EIF3H: variants seen among roughly 807,000 people sequenced by gnomAD.
The protein encoded by EIF3H is eIF-3-gamma.
A neutral mutation model predicts 44.2 loss-of-function variants in EIF3H; 26 were observed. The ratio of observed to expected loss-of-function variants is 0.59; its 90% CI spans 0.43 to 0.82. The LOEUF (loss-of-function observed/expected upper bound fraction) is 0.82. Among genes scored for constraint, EIF3H ranks in the 40% least tolerant of loss-of-function variants. The probability of loss-of-function intolerance (pLI) is 0.00; values close to 1 mark genes in which losing one functional copy is unlikely to be tolerated. For missense variants in EIF3H, 359 were observed against 432.8 expected (o/e 0.83, Z 1.51); for synonymous variants, 166 against 151.9 (o/e 1.09, Z -0.68).
chr8:116,648,608 A>G (rs1813342028), intron 6 of EIF3H, among the ~76,000 whole-genome samples, 198 bp downstream of exon 6: 1 of 152,244 alleles, frequency 6.6e-6, no homozygotes, highest in Non-Finnish European at 1.5e-5. Flanking sequence ...AGCTCTCTTT[A>G]ACACAGGTAT....
chr8:116,752,791 GGGAGGGAAGGAAGGAA>G lies in EIF3H; in HGVS notation c.132+2859_132+2874del, dbSNP rs1260226275. On this transcript the variant is annotated intron_variant, in intron 1 of 7. Coordinates refer to ENST00000521861, the MANE Select transcript of EIF3H (RefSeq NM_003756.3). ...AGGGAGGGAGGGAGGGAGGGAGGGAGGGAGGGAAGGAAGGAAGGAAGGAAGGAAGGAAGGAAGGAAA... is the reference window on the plus strand; with the variant it reads ...AGGGAGGGAGGGAGGGAGGGAGGGAGGGAAGGAAGGAAGGAAGGAAGGAAA... Among the ~76,000 whole-genome samples, 94 of 71,530 alleles carry G rather than the reference GGGAGGGAAGGAAGGAA, an allele frequency of 1.3e-3. 1 individual carries two copies. The highest frequency in any genetic ancestry group is 6.4e-3 in the African/African-American group (87 of 13,648). The allele number at this position is 71,530 out of a possible 152,430, so 46.9% of individuals were successfully genotyped here. A position where few individuals can be genotyped will look rare whatever the true frequency, so the allele number is the denominator to read the frequency against.
At chr8:116,648,443 T>G (rs1225270262) in intron 6 of EIF3H, among the ~76,000 whole-genome samples, 3 of 152,202 alleles carry the variant, frequency 2.0e-5, no homozygotes, top group African/African-American at 7.2e-5. Flanking sequence ...TTAAATGAAC[T>G]GAAGATTGCT....
chr8:116,647,247 G>A (rs1013935218), intron 6 of EIF3H, among the ~76,000 whole-genome samples: 1 of 151,748 alleles, frequency 6.6e-6, no homozygotes, highest in Non-Finnish European at 1.5e-5. Flanking sequence ...GGTTACAGGC[G>A]CCCACCACCA....
At chr8:116,678,186 G>A (rs1457555490) in intron 2 of EIF3H, among the ~76,000 whole-genome samples, 2 of 151,980 alleles carry the variant, frequency 1.3e-5, no homozygotes, top group African/African-American at 4.8e-5. Context: ...GTGGAGACGG[G>A]GTTTTGCTGT....
At chr8:116,735,667 C>G (rs1481622716) in intron 1 of EIF3H, among the ~76,000 whole-genome samples, 1 of 152,160 alleles carries the variant, frequency 6.6e-6, no homozygotes, top group Non-Finnish European at 1.5e-5. Context: ...ACCACCACCA[C>G]CACATAATGA....
At chr8:116,741,059 T>C (rs575437230) in intron 1 of EIF3H, among the ~76,000 whole-genome samples, 6 of 152,352 alleles carry the variant, frequency 3.9e-5, no homozygotes, top group South Asian at 4.1e-4. Context: ...TTTTCCTTTT[T>C]ATGTTTTAGA....
At chr8:116,758,685 T>G (rs1244533500), upstream of EIF3H, among the ~76,000 whole-genome samples, 1 of 152,190 alleles carries the variant, frequency 6.6e-6, no homozygotes, top group Non-Finnish European at 1.5e-5. Flanking sequence ...ACAATAGATT[T>G]AAAGAAGGAA....
intron 2 of EIF3H, among the ~76,000 whole-genome samples, chr8:116,663,100 T>C (rs1241531637): frequency 6.6e-6 from 1 of 152,152 alleles, no homozygotes; most frequent in Non-Finnish European, 1.5e-5. Context: ...GACTATGAGG[T>C]CCTGCTATTT....
intron 2 of EIF3H, among the ~76,000 whole-genome samples, chr8:116,662,599 C>T (rs1042281900): frequency 3.9e-5 from 6 of 152,120 alleles, no homozygotes; most frequent in Non-Finnish European, 8.8e-5. Flanking sequence ...TCTTTGAATC[C>T]CATCTCCCTT....
At chr8:116,654,907 CTT>C (rs11403704) in intron 5 of EIF3H, among the ~76,000 whole-genome samples, 1 of 148,558 alleles carries the variant, frequency 6.7e-6, no homozygotes, top group African/African-American at 2.5e-5. Context: ...AGTCTGTACA[CTT>C]TTTTTTTTTT....
At chr8:116,742,409 G>C (rs755194743) in intron 1 of EIF3H, among the ~76,000 whole-genome samples, 3 of 152,152 alleles carry the variant, frequency 2.0e-5, no homozygotes, top group Non-Finnish European at 2.9e-5. Context: ...TAACTGATAA[G>C]ATGTTTAATT....
intron 1 of EIF3H, among the ~76,000 whole-genome samples, chr8:116,752,730 A>AAGAAG (rs1554603839): frequency 3.9e-5 from 5 of 128,686 alleles, no homozygotes; most frequent in Admixed American, 8.0e-5. Flanking sequence ...GAAAGAAAGA[A>AAGAAG]AGAAGAGAAA....
chr8:116,673,131 C>T (rs904811650), intron 2 of EIF3H, among the ~76,000 whole-genome samples: 1 of 151,948 alleles, frequency 6.6e-6, no homozygotes, highest in Non-Finnish European at 1.5e-5. Context: ...CTATAGGTTC[C>T]ATGTCTAGGA....
chr8:116,657,322 A>G lies in EIF3H; in HGVS notation c.458-8T>C, dbSNP rs894267167. ...GGGCAGTTTTTATGGGATCTCAAAC[A>G]AGGAAAGAGAAATAAATTACTAAGA... On this transcript the variant is annotated splice_polypyrimidine_tract_variant and splice_region_variant and intron_variant, in intron 3 of 7. Transcript: ENST00000521861. The G allele has an allele frequency of 2.5e-6, 4 of 1,599,016 alleles. No homozygotes were observed. The African/African-American group carries it at 5.4e-5, about 21-fold the overall frequency.
chr8:116,687,945 C>T (rs988939468), intron 2 of EIF3H, among the ~76,000 whole-genome samples: 1 of 151,952 alleles, frequency 6.6e-6, no homozygotes, highest in African/African-American at 2.4e-5. Context: ...TAGAAGGTCC[C>T]GGCCTTCTAA....
chr8:116,694,277 CT>C (rs960698702), intron 2 of EIF3H, among the ~76,000 whole-genome samples: 3 of 151,954 alleles, frequency 2.0e-5, no homozygotes, highest in African/African-American at 7.3e-5. Context: ...TGCTATAAAA[CT>C]TTTAATCTTT....
intron 4 of EIF3H, 120 bp downstream of exon 4, chr8:116,657,095 T>G (rs1813503565): frequency 1.2e-6 from 1 of 828,956 alleles, no homozygotes; most frequent in South Asian, 1.5e-5. Context: ...TGCAGAAAAC[T>G]TCTACAGTCC....
intron 3 of EIF3H, chr8:116,657,563 GTTA>G (rs1292587552): frequency 2.2e-6 from 1 of 457,306 alleles, no homozygotes; most frequent in African/African-American, 2.0e-5. Flanking sequence ...ATGCAAAAGA[GTTA>G]TTTTCAAATT....
chr8:116,730,783 A>G (rs184162997), intron 1 of EIF3H, among the ~76,000 whole-genome samples: 111 of 152,328 alleles, frequency 7.3e-4, no homozygotes, highest in East Asian at 6.9e-3. Flanking sequence ...GATACTCAAA[A>G]TATATTTTGC....
Sources: allele counts gnomAD v4.1 joint callset (sites outside exome capture counted in the v4.1 genomes callset), GRCh38; gene constraint gnomAD v4.1.1; transcripts MANE v1.5; gene names NCBI Gene and HGNC (gene_info 2026-07-23, HGNC 2026-07-21).